Variants in UACA observed in about 807,000 individuals in gnomAD.
The protein encoded by UACA is nuclear membrane binding protein.
A neutral mutation model predicts 160.5 loss-of-function variants in UACA; 112 were observed. The observed-to-expected ratio is 0.70, with a 90% CI of 0.60 to 0.82. The LOEUF (loss-of-function observed/expected upper bound fraction) is 0.82, where lower values mean the gene tolerates loss of function less well. UACA is among the 40% of genes least tolerant of loss of function. UACA has a pLI of 0.00. For missense variants in UACA, 1,574 were observed against 1,614.6 expected (o/e 0.97, Z 0.43); for synonymous variants, 557 against 568.4 (o/e 0.98, Z 0.29).
intron 1 of UACA, among the ~76,000 whole-genome samples, chr15:70,713,458 A>C (rs1341289889): frequency 6.6e-6 from 1 of 152,202 alleles, no homozygotes; most frequent in Admixed American, 6.5e-5. Context: ...AGGAATTTAC[A>C]TCCCAGACAG....
chr15:70,757,760 A>G (rs2141017375), intron 1 of UACA, among the ~76,000 whole-genome samples: 2 of 152,294 alleles, frequency 1.3e-5, no homozygotes, highest in South Asian at 4.1e-4. Context: ...AGTGCACTAC[A>G]GTTGCTATTC....
intron 7 of UACA, among the ~76,000 whole-genome samples, chr15:70,687,298 C>T (rs1237448804): frequency 6.6e-6 from 1 of 152,152 alleles, no homozygotes; most frequent in African/African-American, 2.4e-5. Context: ...AAACATAAGG[C>T]CTAATCACTG....
chr15:70,660,266 C>A (rs1896659698), intron 17 of UACA, 50 bp from the exon 18 acceptor site: 2 of 1,508,024 alleles, frequency 1.3e-6, no homozygotes, highest in South Asian at 2.3e-5. Context: ...TTCACATTTC[C>A]AAACTTTGGA....
intron 1 of UACA, among the ~76,000 whole-genome samples, chr15:70,710,859 G>A (rs1371791180): frequency 6.6e-6 from 1 of 152,190 alleles, no homozygotes; most frequent in Non-Finnish European, 1.5e-5. Flanking sequence ...CTGTCCTTTT[G>A]GGGCTTTCAC....
rs1041248899 is a variant in UACA, at chr15:70,654,723, G to A, written c.*2333C>T. 11 of 151,716 alleles carry A rather than the reference G, an allele frequency of 7.3e-5. No homozygotes were observed. Among genetic ancestry groups the A allele is most frequent in the African/African-American group, 1.5e-4 (6 of 41,318 alleles). 9.4% of individuals were successfully genotyped at this position (151,716 alleles called of 1,614,324 possible). ...GATTGCACTCCAATAGGAATTGAGT[G>A]ATTCTCTCAGAGAGCACTCATTACA... On this transcript the variant is annotated 3_prime_UTR_variant, in exon 19 of 19. Transcript: ENST00000322954.
At chr15:70,759,431 G>A (rs1224506201) in intron 1 of UACA, among the ~76,000 whole-genome samples, 4 of 152,172 alleles carry the variant, frequency 2.6e-5, no homozygotes, top group East Asian at 1.9e-4. Context: ...CAAGGTGGGC[G>A]GATCACCTGA....
At chr15:70,749,730 A>C (rs996130815) in intron 1 of UACA, among the ~76,000 whole-genome samples, 65 of 151,960 alleles carry the variant, frequency 4.3e-4, no homozygotes, top group Non-Finnish European at 8.7e-4. Flanking sequence ...AAGTTGGAGA[A>C]AACAAATTAG....
intron 1 of UACA, among the ~76,000 whole-genome samples, chr15:70,759,384 G>A (rs766246730): frequency 1.3e-5 from 2 of 152,162 alleles, no homozygotes; most frequent in African/African-American, 4.8e-5. Context: ...GGCTGGGCAC[G>A]GTGGCTGATG....
chr15:70,723,726 A>G (rs1199855178), intron 1 of UACA, among the ~76,000 whole-genome samples: 2 of 147,742 alleles, frequency 1.4e-5, no homozygotes, highest in African/African-American at 2.5e-5. Context: ...TCCGCCTCCC[A>G]GGTTCACGCC....
At chr15:70,722,772 T>A (rs1899029873) in intron 1 of UACA, among the ~76,000 whole-genome samples, 2 of 152,232 alleles carry the variant, frequency 1.3e-5, no homozygotes, top group East Asian at 3.8e-4. Flanking sequence ...TGAATATTCC[T>A]GACTGAGCAT....
upstream of UACA, among the ~76,000 whole-genome samples, chr15:70,765,243 C>A (rs192809232): frequency 2.0e-5 from 3 of 152,024 alleles, no homozygotes; most frequent in African/African-American, 7.3e-5. Context: ...TCCTACTCCC[C>A]CAAGAGTGAT....
upstream of UACA, among the ~76,000 whole-genome samples, chr15:70,767,313 G>C (rs756799393): frequency 6.6e-6 from 1 of 151,496 alleles, no homozygotes; most frequent in African/African-American, 2.4e-5. Flanking sequence ...CACAGGCCGG[G>C]CATGGTGGCT....
At position 70,664,747 on chromosome 15, in the gene UACA, T is replaced by G; in HGVS notation, c.4028A>C (p.Tyr1343Ser). The G allele has an allele frequency of 6.2e-7, 1 of 1,613,738 alleles. No homozygotes were observed. Among genetic ancestry groups the G allele is most frequent in the East Asian group, 2.2e-5 (1 of 44,854 alleles). Residue 1343 changes from tyrosine (Y) to serine (S), a missense_variant, in exon 17 of 19, where the codon TAC becomes TCC. By Grantham distance (144) the Tyr-to-Ser change is moderately radical (BLOSUM62 -2). Coordinates refer to ENST00000322954, the MANE Select transcript of UACA (RefSeq NM_018003.4). ...CCTCTTGGTGGGGTTCCCACTTGTGTAGGTGAGTTGGGAAAGGCCATTGAG... is the reference window on the plus strand; with the variant it reads ...CCTCTTGGTGGGGTTCCCACTTGTGGAGGTGAGTTGGGAAAGGCCATTGAG... The part of the protein sequence containing the change: ...QALNGLSQLT[Y>S]TSGNPTKRQS...
At chr15:70,682,401 A>G (rs1331645994) in intron 9 of UACA, among the ~76,000 whole-genome samples, 1 of 152,204 alleles carries the variant, frequency 6.6e-6, no homozygotes, top group Non-Finnish European at 1.5e-5. Flanking sequence ...TTGTCCTGTT[A>G]TTAAGGGAGA....
intron 1 of UACA, among the ~76,000 whole-genome samples, chr15:70,752,342 CCA>C (rs2030136398): frequency 6.6e-6 from 1 of 151,994 alleles, no homozygotes; most frequent in Non-Finnish European, 1.5e-5. Flanking sequence ...TTTACTACAA[CCA>C]CACCCACAGG....
chr15:70,735,320 ATGCATATGTACCCC>A (rs1192048399), intron 1 of UACA, among the ~76,000 whole-genome samples: 1 of 151,760 alleles, frequency 6.6e-6, no homozygotes, highest in Non-Finnish European at 1.5e-5. Flanking sequence ...AGTAACAAAC[ATGCATATGTACCCC>A]TGAATCTAAA....
intron 1 of UACA, among the ~76,000 whole-genome samples, chr15:70,708,892 A>G (rs996121018): frequency 3.9e-5 from 6 of 152,240 alleles, no homozygotes; most frequent in African/African-American, 1.4e-4. Context: ...TTACAGGTTC[A>G]TGAGAGTTCA....
the UACA span, among the ~76,000 whole-genome samples, chr15:70,771,054 C>T: frequency 2.0e-5 from 3 of 152,222 alleles, no homozygotes; most frequent in South Asian, 6.2e-4. Flanking sequence ...CTACATGACT[C>T]CAAGTCAACA....
Position 70,684,363 on chromosome 15 carries a change from A to G in UACA, c.686T>C (p.Leu229Pro), listed in dbSNP as rs549811052. 14 of 1,613,928 alleles carry G rather than the reference A, an allele frequency of 8.7e-6. 1 individual carries two copies. In the African/African-American group the frequency reaches 1.9e-4, roughly 22 times the overall value. The change falls in exon 8 of 19, where the codon CTG becomes CCG. Residue 229 changes from leucine (L) to proline (P), a missense_variant. Physicochemically the swap from Leu to Pro is moderately conservative, Grantham distance 98. Coordinates refer to ENST00000322954, the MANE Select transcript of UACA (RefSeq NM_018003.4). ...LIKNGADISL[L>P]DALGHDSSYY... Reference sequence around the variant, plus strand: ...AGAACTATCATGGCCAAGCGCATCCAGCAAGCTTATATCAGCACCATTTTT... The same window carrying G: ...AGAACTATCATGGCCAAGCGCATCCGGCAAGCTTATATCAGCACCATTTTT...
Sources: allele counts gnomAD v4.1 joint callset (sites outside exome capture counted in the v4.1 genomes callset), GRCh38; gene constraint gnomAD v4.1.1; transcripts MANE v1.5; gene names NCBI Gene and HGNC (gene_info 2026-07-23, HGNC 2026-07-21).